The following DACH1 variants were observed in gnomAD, a reference collection of about 807,000 sequenced individuals.
The protein encoded by DACH1 is dachshund family transcription factor 1.
DACH1 carries 12 observed loss-of-function variants against 54.2 expected under a neutral mutation model. The observed-to-expected ratio is 0.22, with a 90% CI of 0.14 to 0.36. The LOEUF is 0.36. Ranked by LOEUF, DACH1 falls within the 10% of genes least tolerant of loss-of-function variation. The pLI is 1.00. For missense variants in DACH1, 805 were observed against 929.8 expected (o/e 0.87, Z 1.75); for synonymous variants, 386 against 366.2 (o/e 1.05, Z -0.62).
At chr13:71,803,057 T>C (rs1476075406) in intron 1 of DACH1, among the ~76,000 whole-genome samples, 1 of 152,264 alleles carries the variant, frequency 6.6e-6, no homozygotes, top group East Asian at 1.9e-4. Context: ...AATTTCAAAG[T>C]GTATGAACAT....
chr13:71,694,803 CGTT>C (rs1313975176), intron 1 of DACH1, among the ~76,000 whole-genome samples: 1 of 152,018 alleles, frequency 6.6e-6, no homozygotes, highest in Non-Finnish European at 1.5e-5. Flanking sequence ...GCCTTAAAAG[CGTT>C]GTTTAAACTG....
At chr13:71,684,430 C>G (rs1165317993) in intron 1 of DACH1, among the ~76,000 whole-genome samples, 1 of 152,118 alleles carries the variant, frequency 6.6e-6, no homozygotes, top group Admixed American at 6.6e-5. Context: ...TTTGGCCCTA[C>G]TCAGTTTCTT....
At position 71,547,931 on chromosome 13, in the gene DACH1, T is replaced by C. The variant is rs184322634; in HGVS notation, c.1570+9093A>G. ...CAAGCACAAGAAACAACAGGGGTGT[T>C]ACTCTGCTTCTTAACCTATAATACA... is the stretch of plus-strand genomic sequence containing the variant. On this transcript the variant is annotated intron_variant, in intron 6 of 10. Transcript: ENST00000613252. Among the ~76,000 whole-genome samples, 219 of 152,280 alleles carry C rather than the reference T, an allele frequency of 1.4e-3. 1 individual carries two copies. Among genetic ancestry groups the C allele is most frequent in the Non-Finnish European group, 1.7e-3 (114 of 68,024 alleles).
At chr13:71,506,686 T>C (rs1357584539) in intron 6 of DACH1, among the ~76,000 whole-genome samples, 2 of 152,100 alleles carry the variant, frequency 1.3e-5, no homozygotes, top group Non-Finnish European at 2.9e-5. Context: ...CAAAGCAGCA[T>C]GGTACTGGTA....
At chr13:71,550,909 TAG>T (rs1368752844) in intron 6 of DACH1, among the ~76,000 whole-genome samples, 2 of 152,114 alleles carry the variant, frequency 1.3e-5, no homozygotes, top group Non-Finnish European at 2.9e-5. Flanking sequence ...AAGATATATT[TAG>T]ATGGTATAAG....
intron 10 of DACH1, among the ~76,000 whole-genome samples, chr13:71,445,474 G>A (rs1183007538): frequency 1.3e-5 from 2 of 152,082 alleles, no homozygotes; most frequent in Non-Finnish European, 2.9e-5. Context: ...ATGGACAAAT[G>A]TATCAAGCAT....
intron 10 of DACH1, among the ~76,000 whole-genome samples, chr13:71,463,465 C>A (rs1233411710): frequency 1.3e-5 from 2 of 151,826 alleles, no homozygotes; most frequent in African/African-American, 2.4e-5. Context: ...ATTTATGCCA[C>A]CCTCATTATC....
chr13:71,522,464 A>T (rs1881674714), intron 6 of DACH1, among the ~76,000 whole-genome samples: 1 of 151,972 alleles, frequency 6.6e-6, no homozygotes, highest in South Asian at 2.1e-4. Context: ...GCCCCAAATA[A>T]TCCATCATAC....
At chr13:71,794,726 C>T (rs1886975166) in intron 1 of DACH1, among the ~76,000 whole-genome samples, 1 of 152,204 alleles carries the variant, frequency 6.6e-6, no homozygotes, top group Non-Finnish European at 1.5e-5. Context: ...GCGTGAGCCA[C>T]CGCACCCAAC....
At chr13:71,720,287 A>T (rs983934419) in intron 1 of DACH1, among the ~76,000 whole-genome samples, 2 of 152,180 alleles carry the variant, frequency 1.3e-5, no homozygotes, top group African/African-American at 4.8e-5. Context: ...GCTGGCAGAC[A>T]TTTGGACTTC....
chr13:71,711,651 A>T (rs183372335), intron 1 of DACH1, among the ~76,000 whole-genome samples: 203 of 152,238 alleles, frequency 1.3e-3, no homozygotes, highest in East Asian at 0.013. Flanking sequence ...AATTTTTTTT[A>T]AAAAATCTAT....
At chr13:71,702,989 C>A (rs1283109765) in intron 1 of DACH1, among the ~76,000 whole-genome samples, 2 of 152,104 alleles carry the variant, frequency 1.3e-5, no homozygotes, top group Non-Finnish European at 2.9e-5. Context: ...ATATTTATTG[C>A]CATCTCAACC....
intron 1 of DACH1, among the ~76,000 whole-genome samples, chr13:71,759,014 A>C (rs1282729085): frequency 2.6e-5 from 4 of 151,374 alleles, no homozygotes; most frequent in African/African-American, 9.7e-5. Context: ...CAAAGCAGGG[A>C]GCATGGGGAG....
At chr13:71,681,764 A>AT (rs771151504) in intron 2 of DACH1, 31 bp downstream of exon 2, 4 of 1,527,874 alleles carry the variant, frequency 2.6e-6, no homozygotes, top group South Asian at 1.1e-5. Flanking sequence ...GATTTTTAAT[A>AT]TTTTTTGGCA....
intron 1 of DACH1, among the ~76,000 whole-genome samples, chr13:71,849,231 T>A (rs903313837): frequency 1.3e-5 from 2 of 152,210 alleles, no homozygotes; most frequent in African/African-American, 4.8e-5. Flanking sequence ...AAGTAACAAG[T>A]GTGAACTGGA....
At chr13:71,509,680 T>C (rs1315259298) in intron 6 of DACH1, among the ~76,000 whole-genome samples, 2 of 152,128 alleles carry the variant, frequency 1.3e-5, no homozygotes, top group Non-Finnish European at 2.9e-5. Flanking sequence ...CCTTCTCTTC[T>C]CTGCCTCAAA....
intron 1 of DACH1, among the ~76,000 whole-genome samples, chr13:71,816,784 A>G (rs1053116618): frequency 6.6e-6 from 1 of 152,096 alleles, no homozygotes; most frequent in South Asian, 2.1e-4. Flanking sequence ...GATGGAGGCC[A>G]TTGTCCTTAG....
intron 1 of DACH1, among the ~76,000 whole-genome samples, chr13:71,759,587 A>T (rs1231209803): frequency 6.6e-6 from 1 of 152,232 alleles, no homozygotes; most frequent in Non-Finnish European, 1.5e-5. Flanking sequence ...ACCAAGAGAA[A>T]TAGATGTAAA....
intron 10 of DACH1, among the ~76,000 whole-genome samples, chr13:71,458,133 A>G (rs1444496797): frequency 2.6e-5 from 4 of 151,886 alleles, no homozygotes; most frequent in Non-Finnish European, 4.4e-5. Context: ...ATTCTCACCT[A>G]TATGAATACC....
Sources: gnomAD v4.1 joint callset for allele counts (sites outside exome capture counted in the v4.1 genomes callset) on GRCh38, gnomAD v4.1.1 for gene constraint, MANE v1.5 for transcripts, NCBI Gene and HGNC (gene_info 2026-07-23, HGNC 2026-07-21) for gene names.